Variants in VGLL3 observed in about 807,000 individuals in gnomAD.
VGLL3 encodes vestigial like family member 3.
A neutral mutation model predicts 29.2 loss-of-function variants in VGLL3; 18 were observed. That is an observed-to-expected ratio of 0.62 (90% CI 0.43 to 0.91). The LOEUF (loss-of-function observed/expected upper bound fraction) is 0.91, where lower values mean the gene tolerates loss of function less well. Among genes scored for constraint, VGLL3 ranks in the 40% least tolerant of loss-of-function variants. The probability of loss-of-function intolerance (pLI) is 0.00; values close to 1 mark genes in which losing one functional copy is unlikely to be tolerated. For synonymous variants in VGLL3, 180 were observed against 151.8 expected (o/e 1.19, Z -1.36); for missense variants, 440 against 413.2 (o/e 1.06, Z -0.56).
intron 3 of VGLL3, among the ~76,000 whole-genome samples, chr3:86,956,872 G>T (rs1704735645): frequency 6.6e-6 from 1 of 151,540 alleles, no homozygotes; most frequent in Non-Finnish European, 1.5e-5. Context: ...AATTTATATG[G>T]CAAAGGAGCT....
chr3:86,956,181 G>A (rs1040120844), intron 3 of VGLL3, among the ~76,000 whole-genome samples: 1 of 152,156 alleles, frequency 6.6e-6, no homozygotes, highest in African/African-American at 2.4e-5. Context: ...TTCTTCATTT[G>A]AGCTGTTCCT....
intron 3 of VGLL3, among the ~76,000 whole-genome samples, chr3:86,963,692 G>A (rs1458540676): frequency 2.0e-5 from 3 of 152,164 alleles, no homozygotes; most frequent in Non-Finnish European, 4.4e-5. Context: ...TGGTATATTT[G>A]TAAATGCTTT....
At position 86,945,557 on chromosome 3, in the gene VGLL3, A is replaced by G. The variant is rs1167696095; in HGVS notation, c.*1467T>C. 1.3e-5 allele frequency: 2 copies of G among 152,184 alleles called. No homozygotes were observed. The highest frequency in any genetic ancestry group is 4.8e-5 in the African/African-American group (2 of 41,460). 9.4% of individuals were successfully genotyped at this position (152,184 alleles called of 1,614,324 possible). ...TTGCCTTTGAAGTCCAGCAGTATCA[A>G]TAACTGTTACTTTCATAATCTTAAT... is the stretch of plus-strand genomic sequence containing the variant. On this transcript the variant is annotated 3_prime_UTR_variant, in exon 4 of 4. Transcript: ENST00000398399.
In VGLL3 at chr3:86,968,871, T is replaced by C. The variant is rs1342597624; in HGVS notation, c.656A>G (p.Tyr219Cys). ...CATGTACACGTCATGCATATGGCTG[T>C]AGGATGGGCTCACCTGAGATGTCAA... Reference protein sequence around the residue: ...YPLTSQVSPSYSHMHDVYMRH... With the variant: ...YPLTSQVSPSCSHMHDVYMRH... Residue 219 changes from tyrosine to cysteine, a missense_variant, in exon 3 of 4, where the codon TAC becomes TGC. Coordinates refer to ENST00000398399, the MANE Select transcript of VGLL3 (RefSeq NM_016206.4). 6.2e-7 allele frequency: 1 copy of C among 1,614,110 alleles called. No individual in the cohort carries two copies.
Position 86,950,712 on chromosome 3 carries a change from G to A in VGLL3, c.938-3645C>T, listed in dbSNP as rs1024808609. ...AGATGACATAAATGATGGCATAGTA[G>A]TAGGTTACACTTTTGATGAAGACCA... On this transcript the variant is annotated intron_variant, in intron 3 of 3. Transcript: ENST00000398399. Among the ~76,000 whole-genome samples the A allele has an allele frequency of 2.6e-5, 4 of 152,270 alleles. No homozygotes were observed. In the South Asian group the frequency reaches 8.3e-4, roughly 32 times the overall value.
intron 3 of VGLL3, among the ~76,000 whole-genome samples, chr3:86,959,898 T>A (rs543194370): frequency 1.3e-5 from 2 of 152,212 alleles, no homozygotes; most frequent in South Asian, 4.1e-4. Context: ...GAGATGTGAG[T>A]TAAGTTTTGG....
At position 86,946,920 on chromosome 3, in the gene VGLL3, C is replaced by A; in HGVS notation, c.*104G>T. ...CTGCGTGACACTTTGTCTTCTCCTT[C>A]TATGCCTTTCGTGTCCTATTGCTGA... On this transcript the variant is annotated 3_prime_UTR_variant, in exon 4 of 4. Transcript: ENST00000398399. 1 of 738,786 alleles carries A rather than the reference C, an allele frequency of 1.4e-6. No individual in the cohort carries two copies. Among genetic ancestry groups the A allele is most frequent in the Non-Finnish European group, 2.5e-6 (1 of 396,434 alleles). 45.8% of individuals were successfully genotyped at this position (738,786 alleles called of 1,614,324 possible).
chr3:86,984,935 T>C (rs1231992015), intron 1 of VGLL3, among the ~76,000 whole-genome samples: 1 of 152,146 alleles, frequency 6.6e-6, no homozygotes, highest in African/African-American at 2.4e-5. Flanking sequence ...CATAGGTTAA[T>C]TACTAACTGT....
intron 2 of VGLL3, among the ~76,000 whole-genome samples, chr3:86,975,741 G>A (rs1705195906): frequency 6.6e-6 from 1 of 152,152 alleles, no homozygotes; most frequent in African/African-American, 2.4e-5. Context: ...TAGACTTAGT[G>A]GGATAATAGG....
rs1476968418 is a variant in VGLL3, at chr3:86,991,055, G to T, written c.-312C>A. 13 of 563,694 alleles carry T rather than the reference G, an allele frequency of 2.3e-5. No homozygotes were observed. The highest frequency in any genetic ancestry group is 1.2e-4 in the Admixed American group (2 of 16,030). 34.9% of individuals were successfully genotyped at this position (563,694 alleles called of 1,614,324 possible). On this transcript the variant is annotated 5_prime_UTR_variant, in exon 1 of 4. Coordinates refer to ENST00000398399, the MANE Select transcript of VGLL3 (RefSeq NM_016206.4). Reference sequence around the variant, plus strand: ...TGGGGCATTACCGCGTCCGGCTCCCGCGAGGGCTGCGGCGCCCACGGCAGC... The same window carrying T: ...TGGGGCATTACCGCGTCCGGCTCCCTCGAGGGCTGCGGCGCCCACGGCAGC...
At chr3:86,973,369 T>C (rs1189871998) in intron 2 of VGLL3, among the ~76,000 whole-genome samples, 1 of 152,200 alleles carries the variant, frequency 6.6e-6, no homozygotes, top group African/African-American at 2.4e-5. Flanking sequence ...TTCTACTCAA[T>C]TCTTAAGCTA....
Position 86,987,724 on chromosome 3 carries a change from A to G in VGLL3, c.126+2894T>C, listed in dbSNP as rs888215708. Reference sequence around the variant, plus strand: ...TAGTAATTAATGTCAGGGACAATAAAATGTATACTTTGCACATATTTTAGC... The same window carrying G: ...TAGTAATTAATGTCAGGGACAATAAGATGTATACTTTGCACATATTTTAGC... On this transcript the variant is annotated intron_variant, in intron 1 of 3. Transcript: ENST00000398399. 9.2e-5 allele frequency among the ~76,000 whole-genome samples: 14 copies of G among 152,308 alleles called. 1 individual carries two copies. The South Asian group carries it at 2.3e-3, about 25-fold the overall frequency.
At chr3:86,972,414 C>A (rs1705121060) in intron 2 of VGLL3, among the ~76,000 whole-genome samples, 1 of 152,104 alleles carries the variant, frequency 6.6e-6, no homozygotes, top group South Asian at 2.1e-4. Context: ...ACAATTGAAA[C>A]AATATTGAGT....
At chr3:86,978,458 G>A in intron 2 of VGLL3, 68 bp downstream of exon 2, 2 of 1,540,704 alleles carry the variant, frequency 1.3e-6, no homozygotes, top group Admixed American at 3.8e-5. Context: ...GTCTCCAGCT[G>A]GAACCTGGTA....
At chr3:86,965,841 T>C (rs189338382) in intron 3 of VGLL3, among the ~76,000 whole-genome samples, 105 of 152,274 alleles carry the variant, frequency 6.9e-4, no homozygotes, top group Non-Finnish European at 1.3e-4. Flanking sequence ...CAGGCCTCTA[T>C]TGACTTCATC....
chr3:86,972,379 C>T (rs960304956), intron 2 of VGLL3, among the ~76,000 whole-genome samples: 13 of 151,736 alleles, frequency 8.6e-5, no homozygotes, highest in African/African-American at 3.1e-4. Flanking sequence ...TCTATGCAGC[C>T]CTTTAAAAAA....
At chr3:86,951,227 GTC>G (rs1269188643) in intron 3 of VGLL3, among the ~76,000 whole-genome samples, 1 of 152,152 alleles carries the variant, frequency 6.6e-6, no homozygotes. Flanking sequence ...ATTCTAAACA[GTC>G]TTAGTTCGTT....
chr3:86,953,042 GAGA>G (rs1398387735), intron 3 of VGLL3, among the ~76,000 whole-genome samples: 1 of 152,140 alleles, frequency 6.6e-6, no homozygotes, highest in Non-Finnish European at 1.5e-5. Context: ...AAATGTAAGA[GAGA>G]AGGCTACTCA....
chr3:86,944,184 A>G lies in VGLL3; in HGVS notation c.*2840T>C, dbSNP rs1430733705. 2.0e-5 allele frequency: 3 copies of G among 152,118 alleles called. No homozygotes were observed. Among genetic ancestry groups the G allele is most frequent in the African/African-American group, 7.2e-5 (3 of 41,434 alleles). The allele number at this position is 152,118 out of a possible 1,614,324, so 9.4% of individuals were successfully genotyped here. ...ATAGAGACATGCTCATTCTCTTTCT[A>G]TGTATATTTTTGATCCACTCCCTGG... On this transcript the variant is annotated 3_prime_UTR_variant, in exon 4 of 4. Coordinates refer to ENST00000398399, the MANE Select transcript of VGLL3 (RefSeq NM_016206.4).
Sources: gnomAD v4.1 joint callset for allele counts (sites outside exome capture counted in the v4.1 genomes callset) on GRCh38, gnomAD v4.1.1 for gene constraint, MANE v1.5 for transcripts, NCBI Gene and HGNC (gene_info 2026-07-23, HGNC 2026-07-21) for gene names.